The following QKI variants were observed in gnomAD, a reference collection of about 807,000 sequenced individuals.
The protein encoded by QKI is QKI, KH domain containing RNA binding, also known as KH domain-containing RNA-binding protein QKI.
QKI carries 10 observed loss-of-function variants against 39.0 expected under a neutral mutation model. That is an observed-to-expected ratio of 0.26 (90% CI 0.16 to 0.43). The LOEUF (loss-of-function observed/expected upper bound fraction) is 0.43, where lower values mean the gene tolerates loss of function less well. Among genes scored for constraint, QKI ranks in the 20% least tolerant of loss-of-function variants. QKI has a pLI of 1.00. For synonymous variants in QKI, 204 were observed against 155.4 expected, an observed-to-expected ratio of 1.31 and a Z score of -2.33; for missense variants, 218 against 428.0, an observed-to-expected ratio of 0.51 and a Z score of 4.33.
intron 4 of QKI, among the ~76,000 whole-genome samples, chr6:163,544,671 T>C (rs971260067): frequency 6.6e-6 from 1 of 152,084 alleles, no homozygotes; most frequent in Admixed American, 6.6e-5. Flanking sequence ...TTTAACAAAA[T>C]AAACATGGTC....
chr6:163,455,481 T>G, intron 2 of QKI, 60 bp downstream of exon 2: 2 of 1,467,824 alleles, frequency 1.4e-6, no homozygotes, highest in Admixed American at 1.9e-5. Context: ...TGGGAAGAGA[T>G]ATATTTGGTG....
intron 2 of QKI, among the ~76,000 whole-genome samples, chr6:163,469,432 A>ATC (rs1424714722): frequency 3.9e-5 from 6 of 152,136 alleles, no homozygotes; most frequent in Non-Finnish European, 7.4e-5. Flanking sequence ...GTTAGTGACA[A>ATC]TTTGGGAAAA....
intron 4 of QKI, among the ~76,000 whole-genome samples, chr6:163,540,153 A>G (rs980424447): frequency 2.0e-5 from 3 of 151,976 alleles, no homozygotes; most frequent in Admixed American, 1.3e-4. Context: ...AGAAAGACAA[A>G]GAGTTTTGTG....
intron 6 of QKI, chr6:163,564,280 A>C: frequency 9.9e-7 from 1 of 1,006,712 alleles, no homozygotes; most frequent in Admixed American, 4.9e-5. Flanking sequence ...CAGTTTCATC[A>C]TTTGGTGTAC....
intron 3 of QKI, among the ~76,000 whole-genome samples, chr6:163,505,834 A>T (rs907504921): frequency 7.9e-5 from 12 of 152,144 alleles, no homozygotes; most frequent in Admixed American, 5.2e-4. Context: ...TGGTTATGAA[A>T]TGTGAAAAGG....
chr6:163,439,774 C>T (rs947428687), intron 1 of QKI, among the ~76,000 whole-genome samples: 3 of 151,732 alleles, frequency 2.0e-5, no homozygotes, highest in African/African-American at 2.4e-5. Flanking sequence ...CTCAGCCTCC[C>T]GAGTAGCAGG....
At chr6:163,550,871 C>T (rs1782187992) in intron 4 of QKI, among the ~76,000 whole-genome samples, 1 of 150,702 alleles carries the variant, frequency 6.6e-6, no homozygotes, top group Non-Finnish European at 1.5e-5. Context: ...GGCGTGAACC[C>T]AGGAGGCGGA....
chr6:163,544,452 A>G (rs988136313), intron 4 of QKI, among the ~76,000 whole-genome samples: 2 of 152,000 alleles, frequency 1.3e-5, no homozygotes, highest in African/African-American at 2.4e-5. Flanking sequence ...CCTGTCTCTC[A>G]AAAGAATTAA....
chr6:163,472,367 G>C (rs1792270507), intron 2 of QKI, among the ~76,000 whole-genome samples: 1 of 152,138 alleles, frequency 6.6e-6, no homozygotes. Context: ...ATTCAGGTTT[G>C]GTCTTACTGT....
At chr6:163,562,718 AT>A (rs1783111241) in intron 5 of QKI, among the ~76,000 whole-genome samples, 1 of 152,252 alleles carries the variant, frequency 6.6e-6, no homozygotes, top group Non-Finnish European at 1.5e-5. Flanking sequence ...TTATATGAAC[AT>A]ACCATGTTTA....
At chr6:163,534,849 T>A in intron 3 of QKI, 133 bp from the exon 4 acceptor site, 2 of 705,576 alleles carry the variant, frequency 2.8e-6, no homozygotes. Context: ...AGAAAAATAA[T>A]TCAAAGACTT....
chr6:163,568,046 CA>C (rs1396200666), intron 7 of QKI: 2 of 985,240 alleles, frequency 2.0e-6, no homozygotes, highest in Non-Finnish European at 2.4e-6. Context: ...GTTCAGTGAA[CA>C]AAATAGACCC....
intron 1 of QKI, among the ~76,000 whole-genome samples, chr6:163,416,885 A>T (rs917468871): frequency 6.7e-6 from 1 of 149,212 alleles, no homozygotes; most frequent in Non-Finnish European, 1.5e-5. Context: ...CATTTGAAAG[A>T]TTGTGGAGGC....
chr6:163,504,731 G>T lies in QKI; in HGVS notation c.402+25835G>T, dbSNP rs961095304. Reference sequence around the variant, plus strand: ...AACTTTACTGTGAAGTCATTTATCAGTTCCAGGAGCCTTTTGGCAGTCTTT... The same window carrying T: ...AACTTTACTGTGAAGTCATTTATCATTTCCAGGAGCCTTTTGGCAGTCTTT... On this transcript the variant is annotated intron_variant, in intron 3 of 7. Coordinates refer to ENST00000361752, the MANE Select transcript of QKI (RefSeq NM_006775.3). Among the ~76,000 whole-genome samples the T allele has an allele frequency of 1.2e-4, 19 of 152,154 alleles. 1 individual carries two copies. The highest frequency in any genetic ancestry group is 2.2e-4 in the Non-Finnish European group (15 of 68,024).
At chr6:163,551,749 A>G (rs1009952408) in intron 4 of QKI, among the ~76,000 whole-genome samples, 3 of 152,256 alleles carry the variant, frequency 2.0e-5, no homozygotes, top group East Asian at 1.9e-4. Context: ...AGTCAGAGTC[A>G]CTTTGAAAAG....
chr6:163,550,902 G>A (rs865927419), intron 4 of QKI, among the ~76,000 whole-genome samples: 4 of 149,644 alleles, frequency 2.7e-5, no homozygotes, highest in African/African-American at 9.9e-5. Context: ...AGCCAAGATC[G>A]TGTCACTGCA....
At chr6:163,506,090 G>T (rs1289915524) in intron 3 of QKI, among the ~76,000 whole-genome samples, 2 of 151,292 alleles carry the variant, frequency 1.3e-5, no homozygotes, top group African/African-American at 4.9e-5. Context: ...ACCTTGTGAA[G>T]AAGGTGCTCT....
At chr6:163,567,232 A>C in intron 7 of QKI, 1 of 987,482 alleles carries the variant, frequency 1.0e-6, no homozygotes. Flanking sequence ...CTTTTGGAGA[A>C]AACTGAAGAT....
In QKI at chr6:163,415,337, T is replaced by C; in HGVS notation, c.142+2T>C. 6.4e-7 allele frequency: 1 copy of C among 1,572,232 alleles called. No homozygotes were observed. Among genetic ancestry groups the C allele is most frequent in the Non-Finnish European group, 8.7e-7 (1 of 1,154,076 alleles). On this transcript the variant is annotated splice_donor_variant, in intron 1 of 7. Transcript: ENST00000361752. LOFTEE classifies it high-confidence loss of function. ...ACCTCGAGCGGCTGCTGGACGAAGGTGAGCGTCTCCAGGGCCCCGGCCCCG... is the reference window on the plus strand; with the variant it reads ...ACCTCGAGCGGCTGCTGGACGAAGGCGAGCGTCTCCAGGGCCCCGGCCCCG...
Sources: gnomAD v4.1 joint callset for allele counts (sites outside exome capture counted in the v4.1 genomes callset) on GRCh38, gnomAD v4.1.1 for gene constraint, MANE v1.5 for transcripts, NCBI Gene and HGNC (gene_info 2026-07-23, HGNC 2026-07-21) for gene names.